ANXA13: variants seen among roughly 807,000 people sequenced by gnomAD.
The protein encoded by ANXA13 is annexin XIII.
Under a neutral mutation model 46.6 loss-of-function variants are expected in ANXA13, and 36 were observed. The ratio of observed to expected loss-of-function variants is 0.77; its 90% CI spans 0.59 to 1.02. The LOEUF is 1.02. Among genes scored for constraint, ANXA13 ranks in the 50% least tolerant of loss-of-function variants. The pLI, the probability that ANXA13 is intolerant of heterozygous loss-of-function variation, is 0.00. For missense variants in ANXA13, 417 were observed against 396.5 expected (o/e 1.05, Z -0.44); for synonymous variants, 163 against 152.9 (o/e 1.07, Z -0.49).
At chr8:123,696,895 G>T (rs1484066873) in intron 4 of ANXA13, among the ~76,000 whole-genome samples, 3 of 152,182 alleles carry the variant, frequency 2.0e-5, no homozygotes, top group African/African-American at 7.2e-5. Flanking sequence ...ATGATCACAT[G>T]AGATTAGAAA....
intron 1 of ANXA13, among the ~76,000 whole-genome samples, chr8:123,734,115 T>C (rs1312516568): frequency 3.3e-5 from 5 of 152,236 alleles, no homozygotes; most frequent in African/African-American, 1.2e-4. Context: ...GCCTTGCAAG[T>C]AATTTCCCAG....
rs189196666 is a variant in ANXA13 at position 123,737,164 on chromosome 8, A to G, written c.15+156T>C. Among the ~76,000 whole-genome samples the G allele has an allele frequency of 1.9e-3, 286 of 152,138 alleles. 2 individuals are homozygous for G. The highest frequency in any genetic ancestry group is 5.8e-3 in the African/African-American group (239 of 41,500). ...GTGTGAGCCACCGCACCCGGCCTCA[A>G]TGCATTTTAAAAGCATGGTATGCTG... On this transcript the variant is annotated intron_variant, in intron 1 of 10. Coordinates refer to ENST00000419625, the MANE Select transcript of ANXA13 (RefSeq NM_004306.4).
chr8:123,701,295 C>T (rs939186094), intron 3 of ANXA13, among the ~76,000 whole-genome samples: 1 of 152,072 alleles, frequency 6.6e-6, no homozygotes, highest in African/African-American at 2.4e-5. Flanking sequence ...AATTAAAATA[C>T]AAAAATTTTA....
chr8:123,705,529 A>G (rs1364590149), intron 2 of ANXA13, among the ~76,000 whole-genome samples: 2 of 152,144 alleles, frequency 1.3e-5, no homozygotes, highest in Admixed American at 6.5e-5. Flanking sequence ...CACTATTTAC[A>G]TGTATGTTTC....
intron 9 of ANXA13, among the ~76,000 whole-genome samples, chr8:123,688,160 CAT>C (rs1421738160): frequency 6.6e-6 from 1 of 152,132 alleles, no homozygotes; most frequent in Admixed American, 6.5e-5. Flanking sequence ...ACAATTCCCA[CAT>C]GTTGTGGGAG....
chr8:123,736,905 G>A (rs60637514), intron 1 of ANXA13, among the ~76,000 whole-genome samples: 31,394 of 143,364 alleles, frequency 0.22, 4,265 homozygotes, highest in East Asian at 0.64. Flanking sequence ...CTGGAGTGCA[G>A]TGGTGCAATC....
At chr8:123,720,224 G>C (rs766124374) in intron 1 of ANXA13, among the ~76,000 whole-genome samples, 12 of 152,202 alleles carry the variant, frequency 7.9e-5, no homozygotes, top group Non-Finnish European at 1.6e-4. Flanking sequence ...AGGGCTAACT[G>C]TACACTGATC....
intron 2 of ANXA13, among the ~76,000 whole-genome samples, chr8:123,705,405 G>A (rs751949470): frequency 1.3e-5 from 2 of 152,202 alleles, no homozygotes; most frequent in Non-Finnish European, 2.9e-5. Context: ...ACTTCCCGCA[G>A]TTTGGTGTCA....
intron 10 of ANXA13, among the ~76,000 whole-genome samples, chr8:123,682,068 C>CTGTA (rs1813049381): frequency 6.6e-6 from 1 of 152,186 alleles, no homozygotes; most frequent in African/African-American, 2.4e-5. Flanking sequence ...GGCCTGCAGG[C>CTGTA]TGTAGTTGGT....
rs1813205843 is a variant in ANXA13 at position 123,690,052 on chromosome 8, C to T, written c.643-1106G>A. Among the ~76,000 whole-genome samples the T allele has an allele frequency of 6.6e-6, 1 of 152,090 alleles. No homozygotes were observed. On this transcript the variant is annotated intron_variant, in intron 8 of 10. Transcript: ENST00000419625. The surrounding 1 kb of genome is among the most constrained non-coding windows in gnomAD (Gnocchi z 4.6). ...GGCCTTGGTGTGTGGCAATAGAAACCAGATTAGAAGAGTGGGGGAACTGTC... is the reference window on the plus strand; with the variant it reads ...GGCCTTGGTGTGTGGCAATAGAAACTAGATTAGAAGAGTGGGGGAACTGTC...
intron 10 of ANXA13, among the ~76,000 whole-genome samples, chr8:123,682,507 C>T (rs1813057915): frequency 6.6e-6 from 1 of 152,180 alleles, no homozygotes; most frequent in South Asian, 2.1e-4. Context: ...GGATCTGATT[C>T]TTTCTTCTCT....
chr8:123,719,993 G>A (rs1251283185), intron 1 of ANXA13, among the ~76,000 whole-genome samples: 1 of 152,168 alleles, frequency 6.6e-6, no homozygotes, highest in African/African-American at 2.4e-5. Context: ...CGTAGGAGGT[G>A]GGATGCTGGG....
At chr8:123,735,642 G>A (rs1479547690) in intron 1 of ANXA13, 2 of 1,279,040 alleles carry the variant, frequency 1.6e-6, no homozygotes, top group South Asian at 2.3e-5. Context: ...CACACCTGAT[G>A]ATGGCTGGTG....
intron 7 of ANXA13, 80 bp from the exon 8 acceptor site, chr8:123,693,378 G>C: frequency 1.6e-6 from 2 of 1,249,822 alleles, no homozygotes; most frequent in Admixed American, 4.1e-5. Context: ...AGGCCTCACT[G>C]ACAGGAAATT....
At position 123,735,813 on chromosome 8, in the gene ANXA13, G is replaced by A. The variant is rs374772372; in HGVS notation, c.15+1507C>T. On this transcript the variant is annotated intron_variant, in intron 1 of 10. Transcript: ENST00000419625. ...TGGGTGGCTGAGAGGCTGCACGACT[G>A]TCGAGGGTTGGGAGTCCCCTTTAGG... The A allele has an allele frequency of 3.1e-6, 5 of 1,612,618 alleles. No individual in the cohort carries two copies. In the African/African-American group the frequency reaches 6.7e-5, roughly 22 times the overall value.
chr8:123,687,425 T>C (rs1388027229), intron 9 of ANXA13, among the ~76,000 whole-genome samples: 2 of 152,178 alleles, frequency 1.3e-5, no homozygotes, highest in Non-Finnish European at 2.9e-5. Context: ...TTTTCACACA[T>C]GTCTGCAATT....
intron 10 of ANXA13, among the ~76,000 whole-genome samples, chr8:123,683,201 G>C (rs76470036): frequency 0.081 from 12,356 of 152,014 alleles, 930 homozygotes; most frequent in African/African-American, 0.2. Flanking sequence ...AGGGAAAGAG[G>C]GGAGAGAGAG....
chr8:123,723,643 A>G (rs1462466571), intron 1 of ANXA13, among the ~76,000 whole-genome samples: 3 of 152,224 alleles, frequency 2.0e-5, no homozygotes, highest in Non-Finnish European at 4.4e-5. Context: ...GGCAAGCACC[A>G]CAAATTAGGC....
chr8:123,737,327 T>A lies in ANXA13; in HGVS notation c.8A>T (p.Asn3Ile), dbSNP rs1814293330. The change falls in exon 1 of 11, where the codon AAT becomes ATT. Residue 3 changes from asparagine to isoleucine, a missense_variant. Asn to Ile is a moderately radical substitution (Grantham distance 149). Coordinates refer to ENST00000419625, the MANE Select transcript of ANXA13 (RefSeq NM_004306.4). MGNRHAKASSPQG... is the reference protein window; with the variant it reads MGIRHAKASSPQG... ...AAGGCAATGAGTACTTACATGACGA[T>A]TGCCCATTTTCCTTTTTCTGAGATG... is the stretch of plus-strand genomic sequence containing the variant. 1 of 1,611,484 alleles carries A rather than the reference T, an allele frequency of 6.2e-7. No homozygotes were observed. The highest frequency in any genetic ancestry group is 8.5e-7 in the Non-Finnish European group (1 of 1,178,644).
Sources: allele counts gnomAD v4.1 joint callset (sites outside exome capture counted in the v4.1 genomes callset), GRCh38; gene constraint gnomAD v4.1.1; non-coding constraint Gnocchi (gnomAD v3.1); transcripts MANE v1.5; gene names NCBI Gene and HGNC (gene_info 2026-07-23, HGNC 2026-07-21).